PCDHGA6: variants seen among roughly 807,000 people sequenced by gnomAD.
PCDHGA6 encodes protocadherin gamma-A6.
Under a neutral mutation model 60.6 loss-of-function variants are expected in PCDHGA6, and 41 were observed. That is an observed-to-expected ratio of 0.68 (90% CI 0.53 to 0.88). The LOEUF is 0.88. Among genes scored for constraint, PCDHGA6 ranks in the 40% least tolerant of loss-of-function variants. PCDHGA6 has a pLI of 0.00. For synonymous variants in PCDHGA6, 594 were observed against 524.4 expected (o/e 1.13, Z -1.81); for missense variants, 1,312 against 1,203.0 (o/e 1.09, Z -1.34).
At chr5:141,427,164 C>T (rs1171285271) in intron 1 of PCDHGA6, 1 of 456,682 alleles carries the variant, frequency 2.2e-6, no homozygotes, top group Non-Finnish European at 4.4e-6. Context: ...TGTGCTAGAC[C>T]ATCAAAATGG....
intron 1 of PCDHGA6, chr5:141,413,123 A>T: frequency 6.5e-7 from 1 of 1,526,818 alleles, no homozygotes. Flanking sequence ...GAACCGGTTG[A>T]AACACACAAC....
Position 141,489,565 on chromosome 5 carries a change from G to C in PCDHGA6, c.2425-5242G>C. The C allele has an allele frequency of 6.2e-7, 1 of 1,614,118 alleles. No homozygotes were observed. ...CAGCTGCCTGCTGCCAGTGCAGGTGGTGACTGAACACCCCCTGGAGCTAAT... is the reference window on the plus strand; with the variant it reads ...CAGCTGCCTGCTGCCAGTGCAGGTGCTGACTGAACACCCCCTGGAGCTAAT... On this transcript the variant is annotated intron_variant, in intron 1 of 3. Coordinates refer to ENST00000517434, the MANE Select transcript of PCDHGA6 (RefSeq NM_018919.3). This position sits in a 1 kb window ranked among gnomAD's most constrained non-coding sequence, Gnocchi z 4.5.
intron 1 of PCDHGA6, chr5:141,423,565 C>G: frequency 1.2e-6 from 2 of 1,613,594 alleles, no homozygotes; most frequent in Non-Finnish European, 1.7e-6. Context: ...TGGGGACACG[C>G]TCATCAGCCA....
intron 1 of PCDHGA6, chr5:141,423,612 T>G: frequency 6.2e-7 from 1 of 1,611,004 alleles, no homozygotes; most frequent in Non-Finnish European, 8.5e-7. Flanking sequence ...TCTTGATAGC[T>G]GAAGACTCAG....
chr5:141,375,955 C>A lies in PCDHGA6; in HGVS notation c.1872C>A (p.Gly624=). Residue 624 remains glycine (G), a synonymous_variant, in exon 1 of 4, where the codon GGC becomes GGA. Transcript: ENST00000517434. ...TTTTCTCAGTGGGCCTGCACACGGG[C>A]GAGGTGCGCACGGCGCGCGCCCTGC... ...PGLFSVGLHT[G]EVRTARALLD... 2 of 1,613,498 alleles carry A rather than the reference C, an allele frequency of 1.2e-6. No homozygotes were observed. The highest frequency in any genetic ancestry group is 1.7e-6 in the Non-Finnish European group (2 of 1,179,928).
chr5:141,399,780 A>G (rs1444494014), intron 1 of PCDHGA6: 1 of 1,613,288 alleles, frequency 6.2e-7, no homozygotes, highest in Non-Finnish European at 8.5e-7. Flanking sequence ...TGGGCGACCG[A>G]AACGACAACG....
chr5:141,439,568 A>G (rs2098121048), intron 1 of PCDHGA6, among the ~76,000 whole-genome samples: 1 of 152,208 alleles, frequency 6.6e-6, no homozygotes, highest in Non-Finnish European at 1.5e-5. Context: ...GTTCTAGAGT[A>G]GGGACTCAGA....
At chr5:141,400,459 G>C (rs1287515286) in intron 1 of PCDHGA6, 1 of 1,614,072 alleles carries the variant, frequency 6.2e-7, no homozygotes, top group Admixed American at 1.7e-5. Flanking sequence ...CATACTTTGT[G>C]GTGATTCATC....
rs1415142555 is a variant in PCDHGA6, at chr5:141,476,011, A to G, written c.2425-18796A>G. The G allele has an allele frequency of 7.6e-7, 1 of 1,311,282 alleles. No individual in the cohort carries two copies. The highest frequency in any genetic ancestry group is 1.0e-6 in the Non-Finnish European group (1 of 962,238). 81.2% of individuals were successfully genotyped at this position (1,311,282 alleles called of 1,614,324 possible). ...GCAAATCAACGGCATCCAGAAAGCC[A>G]TGTCGGACTCGGCGCCCAGCGCCCA... On this transcript the variant is annotated intron_variant, in intron 1 of 3. Coordinates refer to ENST00000517434, the MANE Select transcript of PCDHGA6 (RefSeq NM_018919.3). This position sits in a 1 kb window ranked among gnomAD's most constrained non-coding sequence, Gnocchi z 7.6.
At chr5:141,442,111 C>G (rs1265830634) in intron 1 of PCDHGA6, 1 of 166,236 alleles carries the variant, frequency 6.0e-6, no homozygotes, top group Non-Finnish European at 1.3e-5. Context: ...CACTACCGCC[C>G]CTCGTCGCCG....
chr5:141,457,422 T>C (rs2098920028), intron 1 of PCDHGA6, among the ~76,000 whole-genome samples: 1 of 151,626 alleles, frequency 6.6e-6, no homozygotes. Flanking sequence ...CATCCCTTTT[T>C]CCCCCCCACC....
chr5:141,502,514 T>A (rs2099814743), intron 2 of PCDHGA6, among the ~76,000 whole-genome samples: 1 of 152,202 alleles, frequency 6.6e-6, no homozygotes, highest in African/African-American at 2.4e-5. Flanking sequence ...TGTCCCACTA[T>A]CAGTGATGCC....
intron 1 of PCDHGA6, among the ~76,000 whole-genome samples, chr5:141,492,418 C>T (rs1428695013): frequency 2.0e-5 from 3 of 152,236 alleles, no homozygotes; most frequent in Admixed American, 1.3e-4. Flanking sequence ...CCGCTCCCTC[C>T]GCCGGGCTCA....
At chr5:141,414,930 C>A (rs561548499) in intron 1 of PCDHGA6, 1 of 1,614,156 alleles carries the variant, frequency 6.2e-7, no homozygotes, top group South Asian at 1.1e-5. Flanking sequence ...CGCCCCGCTC[C>A]GCAGAGCCCG....
chr5:141,420,030 G>A (rs1269646706), intron 1 of PCDHGA6: 1 of 1,613,940 alleles, frequency 6.2e-7, no homozygotes, highest in Non-Finnish European at 8.5e-7. Flanking sequence ...CCTACTGCAG[G>A]AGACTGCTTT....
chr5:141,419,549 T>C, intron 1 of PCDHGA6: 1 of 1,612,006 alleles, frequency 6.2e-7, no homozygotes, highest in Non-Finnish European at 8.5e-7. Context: ...GCGGGTGCTG[T>C]ACCCTGCGCT....
At chr5:141,410,445 T>A in intron 1 of PCDHGA6, 1 of 1,614,060 alleles carries the variant, frequency 6.2e-7, no homozygotes. Flanking sequence ...GAGGGGACTT[T>A]GCCTTATTCT....
intron 1 of PCDHGA6, chr5:141,411,017 A>C (rs140607036): frequency 6.2e-6 from 1 of 162,372 alleles, no homozygotes; most frequent in Non-Finnish European, 1.3e-5. Context: ...CCACAGCTAA[A>C]TTTTTTGTAT....
At chr5:141,389,681 C>G in intron 1 of PCDHGA6, 5 of 1,612,438 alleles carry the variant, frequency 3.1e-6, no homozygotes, top group Non-Finnish European at 4.2e-6. Context: ...CAGGACACAA[C>G]GCCTGGCTGT....
Sources: allele counts gnomAD v4.1 joint callset (sites outside exome capture counted in the v4.1 genomes callset), GRCh38; gene constraint gnomAD v4.1.1; non-coding constraint Gnocchi (gnomAD v3.1); transcripts MANE v1.5; gene names NCBI Gene and HGNC (gene_info 2026-07-23, HGNC 2026-07-21).